The following CDH8 variants were observed in gnomAD, a reference collection of about 807,000 sequenced individuals.
CDH8 encodes cadherin-8.
A neutral mutation model predicts 68.1 loss-of-function variants in CDH8; 17 were observed. The ratio of observed to expected loss-of-function variants is 0.25; its 90% CI spans 0.17 to 0.37. The LOEUF (loss-of-function observed/expected upper bound fraction) is 0.37, where lower values mean the gene tolerates loss of function less well. Among genes scored for constraint, CDH8 ranks in the 10% least tolerant of loss-of-function variants. CDH8 has a pLI of 1.00. For missense variants in CDH8, 763 were observed against 999.3 expected, an observed-to-expected ratio of 0.76 and a Z score of 3.19; for synonymous variants, 372 against 365.1, an observed-to-expected ratio of 1.02 and a Z score of -0.21.
intron 10 of CDH8, among the ~76,000 whole-genome samples, chr16:61,663,148 T>C (rs1428517665): frequency 6.6e-6 from 1 of 152,002 alleles, no homozygotes; most frequent in Non-Finnish European, 1.5e-5. Context: ...ATACAAGGTA[T>C]GTGCCAAGTA....
At chr16:61,840,917 A>G (rs1962670329) in intron 4 of CDH8, among the ~76,000 whole-genome samples, 1 of 152,122 alleles carries the variant, frequency 6.6e-6, no homozygotes, top group Non-Finnish European at 1.5e-5. Context: ...GTATCCCAGA[A>G]CTTAACATAA....
At chr16:61,981,679 TGTGCGC>T (rs944337316) in intron 2 of CDH8, among the ~76,000 whole-genome samples, 77 of 148,236 alleles carry the variant, frequency 5.2e-4, no homozygotes, top group African/African-American at 1.9e-3. Context: ...TGTGTGTGTG[TGTGCGC>T]GCGCGCGCGT....
chr16:61,931,925 A>C (rs7186647), intron 2 of CDH8, among the ~76,000 whole-genome samples: 4 of 152,184 alleles, frequency 2.6e-5, no homozygotes, highest in African/African-American at 9.7e-5. Flanking sequence ...GAAAAAGCAC[A>C]GGCTGGGCGC....
chr16:61,671,357 T>C lies in CDH8; in HGVS notation c.1655-15636A>G, dbSNP rs188820163. Among the ~76,000 whole-genome samples, 23 of 151,794 alleles carry C rather than the reference T, an allele frequency of 1.5e-4. No individual in the cohort carries two copies. In the East Asian group the frequency reaches 4.5e-3, roughly 30 times the overall value. ...TGGATCAAGCCGTCAGAGGCTCCACTGGGGAAGCTATTATGCTCTGGATTG... is the reference window on the plus strand; with the variant it reads ...TGGATCAAGCCGTCAGAGGCTCCACCGGGGAAGCTATTATGCTCTGGATTG... On this transcript the variant is annotated intron_variant, in intron 10 of 11. Coordinates refer to ENST00000577390, the MANE Select transcript of CDH8 (RefSeq NM_001796.5).
chr16:61,823,728 T>C (rs946415552), intron 5 of CDH8, among the ~76,000 whole-genome samples: 1 of 151,890 alleles, frequency 6.6e-6, no homozygotes, highest in African/African-American at 2.4e-5. Flanking sequence ...TAGGTCCTCA[T>C]ACTTAAAATG....
intron 8 of CDH8, among the ~76,000 whole-genome samples, chr16:61,761,736 C>G (rs1345654036): frequency 1.3e-5 from 2 of 152,064 alleles, no homozygotes; most frequent in Non-Finnish European, 2.9e-5. Context: ...GGTGCAGTGG[C>G]TCATGTCTGT....
At chr16:61,977,845 G>A (rs1252832204) in intron 2 of CDH8, among the ~76,000 whole-genome samples, 2 of 152,024 alleles carry the variant, frequency 1.3e-5, no homozygotes, top group Non-Finnish European at 2.9e-5. Context: ...TCACAACCAC[G>A]AAACACAGCT....
intron 8 of CDH8, among the ~76,000 whole-genome samples, chr16:61,787,834 C>T (rs1280998800): frequency 1.7e-4 from 23 of 134,888 alleles, no homozygotes; most frequent in African/African-American, 5.2e-4. Context: ...AGTAAACTAT[C>T]GCAAGAACAA....
At chr16:61,813,798 C>G (rs1962010306) in intron 7 of CDH8, among the ~76,000 whole-genome samples, 1 of 152,094 alleles carries the variant, frequency 6.6e-6, no homozygotes, top group South Asian at 2.1e-4. Context: ...AATGACTCCA[C>G]ATATATATAC....
At chr16:61,788,473 T>G (rs765933292) in intron 8 of CDH8, among the ~76,000 whole-genome samples, 23 of 152,086 alleles carry the variant, frequency 1.5e-4, no homozygotes, top group Non-Finnish European at 2.8e-4. Context: ...GTGCACAACT[T>G]CAAAGTCCTT....
rs188283250 is a variant in CDH8 at position 62,036,330 on chromosome 16, C to T, written c.-450G>A. On this transcript the variant is annotated 5_prime_UTR_variant, in exon 1 of 12. Coordinates refer to ENST00000577390, the MANE Select transcript of CDH8 (RefSeq NM_001796.5). ...TTGACGCTACCGTCTATGCACAAGC[C>T]GGCGGCGGCGGCGGAGCTTGGAGGA... 2.9e-4 allele frequency: 45 copies of T among 152,756 alleles called. No homozygotes were observed. Among genetic ancestry groups the T allele is most frequent in the African/African-American group, 1.0e-3 (42 of 41,590 alleles). The allele number at this position is 152,756 out of a possible 1,614,324, so 9.5% of individuals were successfully genotyped here. A position where few individuals can be genotyped will look rare whatever the true frequency, so the allele number is the denominator to read the frequency against.
intron 8 of CDH8, among the ~76,000 whole-genome samples, chr16:61,752,184 C>T (rs570372143): frequency 6.6e-6 from 1 of 152,174 alleles, no homozygotes; most frequent in South Asian, 2.1e-4. Flanking sequence ...TCAGGGTAGT[C>T]TTATTTCAGC....
At chr16:61,807,416 T>C (rs1567479333) in intron 7 of CDH8, among the ~76,000 whole-genome samples, 1 of 151,868 alleles carries the variant, frequency 6.6e-6, no homozygotes. Context: ...GGCACATGTA[T>C]ACATACATAT....
At chr16:61,925,993 ATACAT>A (rs1179262423) in intron 2 of CDH8, among the ~76,000 whole-genome samples, 1 of 152,216 alleles carries the variant, frequency 6.6e-6, no homozygotes, top group Non-Finnish European at 1.5e-5. Flanking sequence ...ATTGCTTTAC[ATACAT>A]TACTTCATCC....
At chr16:61,701,323 T>C (rs1425262594) in intron 10 of CDH8, among the ~76,000 whole-genome samples, 1 of 152,220 alleles carries the variant, frequency 6.6e-6, no homozygotes, top group Non-Finnish European at 1.5e-5. Context: ...CTTTAAATCA[T>C]TTAAGTTTCA....
intron 3 of CDH8, among the ~76,000 whole-genome samples, chr16:61,874,775 C>T (rs1177027413): frequency 6.6e-6 from 1 of 152,156 alleles, no homozygotes; most frequent in Non-Finnish European, 1.5e-5. Flanking sequence ...ACCTGTGAGG[C>T]AACTATTAGT....
At chr16:61,681,797 CA>C (rs1426947693) in intron 10 of CDH8, among the ~76,000 whole-genome samples, 3 of 151,944 alleles carry the variant, frequency 2.0e-5, no homozygotes, top group African/African-American at 7.2e-5. Context: ...AGAGTAGTTG[CA>C]AAGCTAAAAT....
chr16:61,950,899 A>T lies in CDH8; in HGVS notation c.253-49426T>A, dbSNP rs868306008. ...AGGCACTGGGGTCTATTTGAGGGGG[A>T]AGGGTAGGAGAAAGAAGAGGAACAG... On this transcript the variant is annotated intron_variant, in intron 2 of 11. Coordinates refer to ENST00000577390, the MANE Select transcript of CDH8 (RefSeq NM_001796.5). 7.9e-5 allele frequency among the ~76,000 whole-genome samples: 12 copies of T among 152,156 alleles called. 1 individual carries two copies. In the South Asian group the frequency reaches 2.1e-3, roughly 26 times the overall value.
At chr16:61,852,534 AT>A in intron 4 of CDH8, among the ~76,000 whole-genome samples, 1 of 152,114 alleles carries the variant, frequency 6.6e-6, no homozygotes, top group East Asian at 1.9e-4. Flanking sequence ...AAATACTAGA[AT>A]AGCATTGTGT....
Sources: gnomAD v4.1 joint callset for allele counts (sites outside exome capture counted in the v4.1 genomes callset) on GRCh38, gnomAD v4.1.1 for gene constraint, MANE v1.5 for transcripts, NCBI Gene and HGNC (gene_info 2026-07-23, HGNC 2026-07-21) for gene names.